The following RAD51B variants were observed in gnomAD, a reference collection of about 807,000 sequenced individuals.
The protein encoded by RAD51B is DNA repair protein RAD51 homolog 2.
RAD51B carries 38 observed loss-of-function variants against 42.2 expected under a neutral mutation model. The ratio of observed to expected loss-of-function variants is 0.90; its 90% confidence interval spans 0.70 to 1.18. The LOEUF (loss-of-function observed/expected upper bound fraction) is 1.18, where lower values mean the gene tolerates loss of function less well. Ranked by LOEUF, RAD51B falls within the 50% of genes most tolerant of loss-of-function variation. The pLI, the probability that RAD51B is intolerant of heterozygous loss-of-function variation, is 0.00. For synonymous variants in RAD51B, 154 were observed against 145.2 expected (o/e 1.06, Z -0.43); for missense variants, 373 against 400.7 (o/e 0.93, Z 0.59).
intron 10 of RAD51B, among the ~76,000 whole-genome samples, chr14:68,619,420 C>G (rs1891896923): frequency 1.3e-5 from 2 of 150,764 alleles, no homozygotes; most frequent in Non-Finnish European, 2.9e-5. Context: ...TGAGATCGCA[C>G]CACTGCATTC....
At chr14:68,337,585 G>A (rs1286970872) in intron 8 of RAD51B, among the ~76,000 whole-genome samples, 1 of 152,080 alleles carries the variant, frequency 6.6e-6, no homozygotes, top group Non-Finnish European at 1.5e-5. Context: ...GCCATTCCAT[G>A]GGCCATAATT....
At chr14:68,395,547 T>C (rs1200123682) in intron 8 of RAD51B, among the ~76,000 whole-genome samples, 5 of 152,270 alleles carry the variant, frequency 3.3e-5, no homozygotes, top group African/African-American at 1.2e-4. Flanking sequence ...AGGAAATTTT[T>C]ATGCTCTCGA....
chr14:67,891,556 A>G (rs917923309), intron 7 of RAD51B, among the ~76,000 whole-genome samples: 1 of 152,142 alleles, frequency 6.6e-6, no homozygotes, highest in African/African-American at 2.4e-5. Context: ...TAAAGTGGAC[A>G]TATAACAAGG....
At chr14:67,904,046 G>T (rs1028208631) in intron 7 of RAD51B, among the ~76,000 whole-genome samples, 1 of 151,654 alleles carries the variant, frequency 6.6e-6, no homozygotes. Flanking sequence ...TAGGATAATG[G>T]CCTCCAGCTC....
intron 7 of RAD51B, among the ~76,000 whole-genome samples, chr14:68,004,126 C>G (rs562497476): frequency 1.3e-5 from 2 of 152,056 alleles, no homozygotes; most frequent in Middle Eastern, 3.4e-3. Flanking sequence ...GTCTGGAGAT[C>G]AAGACCATCC....
At chr14:68,637,144 A>G (rs1892357449) in intron 10 of RAD51B, among the ~76,000 whole-genome samples, 1 of 152,064 alleles carries the variant, frequency 6.6e-6, no homozygotes, top group Admixed American at 6.6e-5. Flanking sequence ...CAGTGGTGCA[A>G]TCATAGCTCA....
intron 7 of RAD51B, among the ~76,000 whole-genome samples, chr14:68,053,624 C>G (rs2076428724): frequency 6.6e-6 from 1 of 152,180 alleles, no homozygotes; most frequent in African/African-American, 2.4e-5. Flanking sequence ...TCCAGCTAAG[C>G]CTTTAACTCT....
At chr14:68,339,423 A>G (rs1441439199) in intron 8 of RAD51B, 13 of 676,368 alleles carry the variant, frequency 1.9e-5, no homozygotes, top group Non-Finnish European at 3.1e-5. Context: ...AAAATTCTTA[A>G]GCCTTTTCTC....
intron 7 of RAD51B, among the ~76,000 whole-genome samples, chr14:68,068,356 C>T (rs2076688454): frequency 6.6e-6 from 1 of 152,178 alleles, no homozygotes; most frequent in Non-Finnish European, 1.5e-5. Flanking sequence ...TTTCATAGAA[C>T]TCTATCATAC....
chr14:68,114,641 A>G (rs1173206431), intron 7 of RAD51B, among the ~76,000 whole-genome samples: 3 of 152,136 alleles, frequency 2.0e-5, no homozygotes, highest in Non-Finnish European at 4.4e-5. Context: ...TTATCAACTT[A>G]TGTTTCATTG....
chr14:68,290,571 G>A (rs1021578295), intron 7 of RAD51B, among the ~76,000 whole-genome samples: 8 of 152,126 alleles, frequency 5.3e-5, no homozygotes, highest in Non-Finnish European at 1.2e-4. Context: ...ACTTTATTTT[G>A]TATAAGTAGG....
chr14:68,409,114 T>A (rs2140075551), intron 8 of RAD51B, among the ~76,000 whole-genome samples: 2 of 152,314 alleles, frequency 1.3e-5, no homozygotes, highest in Middle Eastern at 6.8e-3. Context: ...AACATCTCTG[T>A]GAATATAGAA....
At chr14:68,223,994 G>A (rs550438129) in intron 7 of RAD51B, among the ~76,000 whole-genome samples, 2 of 152,044 alleles carry the variant, frequency 1.3e-5, no homozygotes, top group African/African-American at 4.8e-5. Flanking sequence ...ATGTTTTTTT[G>A]TTGTTCTTCT....
chr14:68,104,611 G>A (rs747271003), intron 7 of RAD51B, among the ~76,000 whole-genome samples: 4 of 152,068 alleles, frequency 2.6e-5, no homozygotes, highest in Non-Finnish European at 5.9e-5. Context: ...ATCACTGCAG[G>A]AGTCTCTCTG....
chr14:68,484,520 G>A (rs1449064329), intron 10 of RAD51B, among the ~76,000 whole-genome samples: 3 of 152,076 alleles, frequency 2.0e-5, no homozygotes, highest in East Asian at 3.9e-4. Context: ...ACCACGCCCG[G>A]CTAATTTTTT....
In RAD51B at chr14:68,548,483, G is replaced by A. The variant is rs74897865; in HGVS notation, c.1037-46002G>A. On this transcript the variant is annotated intron_variant, in intron 10 of 10. Coordinates refer to the RAD51B transcript ENST00000487270. ...TGCAGAGCGGGTTGTGGGGGAGGAC[G>A]GCAGTTTGATTTACTCCGCAGGAGC... Among the ~76,000 whole-genome samples the A allele has an allele frequency of 9.1e-3, 1,380 of 152,316 alleles. 21 individuals are homozygous for A. Among genetic ancestry groups the A allele is most frequent in the African/African-American group, 0.031 (1,281 of 41,562 alleles).
At chr14:68,462,374 C>A (rs1056311113) in intron 9 of RAD51B, among the ~76,000 whole-genome samples, 1 of 152,176 alleles carries the variant, frequency 6.6e-6, no homozygotes, top group Non-Finnish European at 1.5e-5. Flanking sequence ...ATCCCCTGCA[C>A]CTACAACAGT....
intron 10 of RAD51B, among the ~76,000 whole-genome samples, chr14:68,648,674 AACACACACACACACACAC>A (rs35200852): frequency 9.7e-5 from 14 of 143,722 alleles, no homozygotes; most frequent in African/African-American, 2.3e-4. Flanking sequence ...AAAGCACACA[AACACACACACACACACAC>A]ACACACACAC....
intron 7 of RAD51B, among the ~76,000 whole-genome samples, chr14:67,890,819 A>G (rs892321855): frequency 6.6e-6 from 1 of 152,136 alleles, no homozygotes; most frequent in Non-Finnish European, 1.5e-5. Context: ...TTTATCTTTT[A>G]AAACATAATT....
Sources: gnomAD v4.1 joint callset for allele counts (sites outside exome capture counted in the v4.1 genomes callset) on GRCh38, gnomAD v4.1.1 for gene constraint, MANE v1.5 for transcripts, NCBI Gene and HGNC (gene_info 2026-07-23, HGNC 2026-07-21) for gene names.